DENND1A: variants seen among roughly 807,000 people sequenced by gnomAD.
DENND1A encodes the protein DENN domain containing 1A.
In DENND1A, 51 loss-of-function variants were observed where a neutral mutation model predicts 113.7. The observed-to-expected ratio is 0.45, with a 90% CI of 0.36 to 0.57. The LOEUF (loss-of-function observed/expected upper bound fraction) is 0.57. Ranked by LOEUF, DENND1A falls within the 20% of genes least tolerant of loss-of-function variation. DENND1A has a pLI of 0.00. For missense variants in DENND1A, 1,258 were observed against 1,395.9 expected, an observed-to-expected ratio of 0.90 and a Z score of 1.57; for synonymous variants, 565 against 570.8, an observed-to-expected ratio of 0.99 and a Z score of 0.14.
In DENND1A at chr9:123,381,490, A is replaced by G. The variant is rs761567995; in HGVS notation, c.3155T>C (p.Leu1052Pro). ...CTCCACCGAGTCTGGGGCCGGGGCC[A>G]GGGCCGGACTCGGGCTCACGTCTTG... ...TKQDVSPSPALAPAPDSVEQL... is the reference protein window; with the variant it reads ...TKQDVSPSPAPAPAPDSVEQL... The change falls in exon 24 of 24, where the codon CTG becomes CCG. Residue 1052 changes from leucine to proline, a missense_variant. Coordinates refer to ENST00000394215, the MANE Select transcript of DENND1A (RefSeq NM_001352964.2). This position sits in a 1 kb window ranked among gnomAD's most constrained non-coding sequence, Gnocchi z 4.7. 6.2e-6 allele frequency: 10 copies of G among 1,613,406 alleles called. No individual in the cohort carries two copies. The African/African-American group carries it at 6.7e-5, about 11-fold the overall frequency.
intron 10 of DENND1A, among the ~76,000 whole-genome samples, chr9:123,611,020 A>G (rs193277885): frequency 6.6e-6 from 1 of 152,374 alleles, no homozygotes; most frequent in East Asian, 1.9e-4. Flanking sequence ...CTTACTACAG[A>G]TCTCAGCAGT....
chr9:123,663,362 A>G (rs897378311), intron 8 of DENND1A, among the ~76,000 whole-genome samples: 6 of 152,152 alleles, frequency 3.9e-5, no homozygotes, highest in Non-Finnish European at 8.8e-5. Context: ...ATCATCTTTG[A>G]TCCAACTGCT....
chr9:123,638,198 C>T (rs1237079369), intron 9 of DENND1A, among the ~76,000 whole-genome samples: 1 of 152,054 alleles, frequency 6.6e-6, no homozygotes, highest in Non-Finnish European at 1.5e-5. Context: ...ACTAAAACTG[C>T]CAGAGAAAAG....
At chr9:123,722,419 T>C (rs2067405637) in intron 5 of DENND1A, among the ~76,000 whole-genome samples, 1 of 152,198 alleles carries the variant, frequency 6.6e-6, no homozygotes, top group East Asian at 1.9e-4. Context: ...GAAATTTGCA[T>C]AAACGAGGAG....
intron 9 of DENND1A, among the ~76,000 whole-genome samples, chr9:123,633,512 C>T (rs527912055): frequency 4.6e-5 from 7 of 152,136 alleles, no homozygotes; most frequent in South Asian, 2.1e-4. Context: ...CGGTGGCTCA[C>T]GCCTGTGATC....
rs1848918910 is a variant in DENND1A, at chr9:123,885,364, C to T, written c.18-6343G>A. Among the ~76,000 whole-genome samples the T allele has an allele frequency of 2.0e-5, 3 of 152,172 alleles. No homozygotes were observed. The South Asian group carries it at 6.2e-4, about 32-fold the overall frequency. ...CTAGACTGGCAGCTCCTTGAGGGTA[C>T]CAACTGTGTCTTCTCATAACCCTAG... is the stretch of plus-strand genomic sequence containing the variant. On this transcript the variant is annotated intron_variant, in intron 1 of 23. Transcript: ENST00000394215.
chr9:123,661,728 G>A (rs73665325), intron 8 of DENND1A, among the ~76,000 whole-genome samples: 7,518 of 152,202 alleles, frequency 0.049, 587 homozygotes, highest in African/African-American at 0.17. Flanking sequence ...AAAATAATAC[G>A]AGGAGAAGAA....
At chr9:123,522,015 A>G (rs1044970404) in intron 13 of DENND1A, among the ~76,000 whole-genome samples, 2 of 152,234 alleles carry the variant, frequency 1.3e-5, no homozygotes, top group Admixed American at 1.3e-4. Context: ...CATTCAGGTT[A>G]AAACCAGAAG....
chr9:123,777,761 T>A (rs1386559779), intron 3 of DENND1A, among the ~76,000 whole-genome samples: 1 of 152,200 alleles, frequency 6.6e-6, no homozygotes, highest in Admixed American at 6.5e-5. Flanking sequence ...ATTTATCCAG[T>A]GGCAGGGAAT....
chr9:123,774,819 T>C (rs1210266502), intron 3 of DENND1A, among the ~76,000 whole-genome samples: 2 of 152,152 alleles, frequency 1.3e-5, no homozygotes, highest in Non-Finnish European at 2.9e-5. Context: ...AAGATAAATA[T>C]AATAAATTCA....
At chr9:123,530,448 T>A (rs2055205250) in intron 13 of DENND1A, among the ~76,000 whole-genome samples, 1 of 152,164 alleles carries the variant, frequency 6.6e-6, no homozygotes, top group African/African-American at 2.4e-5. Flanking sequence ...CATACCCAGA[T>A]AAACTATCCT....
intron 13 of DENND1A, among the ~76,000 whole-genome samples, chr9:123,546,682 T>C (rs1183331373): frequency 1.3e-5 from 2 of 152,192 alleles, no homozygotes; most frequent in African/African-American, 4.8e-5. Context: ...CAACATTTAA[T>C]GAGCACCTAC....
At chr9:123,919,789 C>G (rs7029033) in intron 1 of DENND1A, among the ~76,000 whole-genome samples, 6 of 148,076 alleles carry the variant, frequency 4.1e-5, no homozygotes, top group African/African-American at 1.5e-4. Flanking sequence ...GGCTGAGGCA[C>G]GAGAATCACT....
intron 13 of DENND1A, among the ~76,000 whole-genome samples, chr9:123,527,159 C>A (rs1256789310): frequency 6.6e-6 from 1 of 152,178 alleles, no homozygotes; most frequent in East Asian, 1.9e-4. Context: ...ATTTCCCAAG[C>A]CCATCCATTT....
Position 123,929,874 on chromosome 9 carries a change from C to T in DENND1A, c.17+15G>A. 3.4e-6 allele frequency: 1 copy of T among 297,074 alleles called. No homozygotes were observed. Among genetic ancestry groups the T allele is most frequent in the Non-Finnish European group, 6.2e-6 (1 of 161,150 alleles). 18.4% of individuals were successfully genotyped at this position (297,074 alleles called of 1,614,324 possible). A position where few individuals can be genotyped will look rare whatever the true frequency, so the allele number is the denominator to read the frequency against. On this transcript the variant is annotated intron_variant, in intron 1 of 23. Transcript: ENST00000394215. ...CCGCGCCCGGCCCGGCTCCGCCCGG[C>T]CCGGCCGCACTCACTTGATCCTGGA...
At chr9:123,602,334 C>G (rs1487909998) in intron 11 of DENND1A, among the ~76,000 whole-genome samples, 1 of 152,030 alleles carries the variant, frequency 6.6e-6, no homozygotes, top group Non-Finnish European at 1.5e-5. Flanking sequence ...ATAGCCAATA[C>G]CATATTGGCT....
chr9:123,852,150 G>C (rs913177208), intron 2 of DENND1A, among the ~76,000 whole-genome samples: 1 of 152,174 alleles, frequency 6.6e-6, no homozygotes. Context: ...GAGTGGTGGT[G>C]GTAGGGACGG....
rs769812060 is a variant in DENND1A, at chr9:123,583,215, G to A, written c.821C>T (p.Thr274Ile). 4 of 1,612,880 alleles carry A rather than the reference G, an allele frequency of 2.5e-6. No homozygotes were observed. Among genetic ancestry groups the A allele is most frequent in the Non-Finnish European group, 3.4e-6 (4 of 1,179,454 alleles). ...DVVILNVDTN[T>I]LETPFDDLQS... ...GAGGTCATCGAAGGGGGTTTCCAGG[G>A]TGTTGGTGTCCACATTCAGGATCAC... The change falls in exon 12 of 24, where the codon ACC becomes ATC. Residue 274 changes from threonine (T) to isoleucine (I), a missense_variant. Thr to Ile is a moderately conservative substitution (Grantham distance 89). This residue lies in a region of DENND1A where 1,159 missense variants were observed against 1,231.7 expected (regional missense o/e 0.94). Transcript: ENST00000394215.
At chr9:123,680,582 C>T (rs1305535848) in intron 5 of DENND1A, among the ~76,000 whole-genome samples, 1 of 152,156 alleles carries the variant, frequency 6.6e-6, no homozygotes, top group African/African-American at 2.4e-5. Context: ...ATCTGTCGAC[C>T]GGGTGAGCTG....
Sources: allele counts gnomAD v4.1 joint callset (sites outside exome capture counted in the v4.1 genomes callset), GRCh38; gene constraint gnomAD v4.1.1; regional missense constraint gnomAD v4.1.1; non-coding constraint Gnocchi (gnomAD v3.1); transcripts MANE v1.5; gene names NCBI Gene and HGNC (gene_info 2026-07-23, HGNC 2026-07-21).